CTNNA3: variants seen among roughly 807,000 people sequenced by gnomAD.
The protein encoded by CTNNA3 is catenin alpha-3.
Under a neutral mutation model 95.7 loss-of-function variants are expected in CTNNA3, and 76 were observed. The ratio of observed to expected loss-of-function variants is 0.79; its 90% CI spans 0.66 to 0.96. CTNNA3 has a LOEUF of 0.96. Ranked by LOEUF, CTNNA3 falls within the 40% of genes least tolerant of loss-of-function variation. The pLI is 0.00. For synonymous variants in CTNNA3, 431 were observed against 374.4 expected (o/e 1.15, Z -1.74); for missense variants, 1,191 against 1,089.8 (o/e 1.09, Z -1.31).
intron 5 of CTNNA3, among the ~76,000 whole-genome samples, chr10:67,451,628 T>C (rs1846987524): frequency 6.6e-6 from 1 of 152,222 alleles, no homozygotes. Context: ...TCCACTGAAC[T>C]CTTGGTTTGA....
chr10:67,297,683 G>A (rs1373768548), intron 5 of CTNNA3, among the ~76,000 whole-genome samples: 1 of 152,138 alleles, frequency 6.6e-6, no homozygotes, highest in Non-Finnish European at 1.5e-5. Context: ...TTTACTTGGT[G>A]GGCATTCTGG....
chr10:67,562,544 C>A (rs549811352), intron 3 of CTNNA3, among the ~76,000 whole-genome samples: 48 of 152,274 alleles, frequency 3.2e-4, no homozygotes, highest in Non-Finnish European at 5.6e-4. Flanking sequence ...ACTGAATGGG[C>A]AAACACTGGA....
At chr10:67,205,707 C>A (rs1384658897) in intron 6 of CTNNA3, among the ~76,000 whole-genome samples, 7 of 151,896 alleles carry the variant, frequency 4.6e-5, no homozygotes, top group African/African-American at 1.7e-4. Context: ...AATCTCTGGA[C>A]TAAAACACCA....
chr10:66,380,223 T>G (rs560105845), intron 11 of CTNNA3, among the ~76,000 whole-genome samples: 14 of 152,216 alleles, frequency 9.2e-5, no homozygotes, highest in Middle Eastern at 6.8e-3. Context: ...CCCAATCTGC[T>G]TGTGTATATG....
intron 14 of CTNNA3, among the ~76,000 whole-genome samples, chr10:66,097,217 C>G (rs749962263): frequency 2.6e-5 from 4 of 151,978 alleles, no homozygotes; most frequent in Admixed American, 6.6e-5. Context: ...TCCATGATGT[C>G]AAAAATACTT....
At chr10:67,465,517 A>G (rs1847557600) in intron 5 of CTNNA3, among the ~76,000 whole-genome samples, 1 of 152,152 alleles carries the variant, frequency 6.6e-6, no homozygotes, top group African/African-American at 2.4e-5. Context: ...AAAATCCAAA[A>G]CAAGCAAATA....
chr10:66,241,447 C>A (rs61868387), intron 13 of CTNNA3, among the ~76,000 whole-genome samples: 32,208 of 152,148 alleles, frequency 0.21, 3,596 homozygotes, highest in South Asian at 0.29. Context: ...GTAAATCTTA[C>A]AAATTTCCTT....
chr10:67,478,227 G>A (rs1848091575), intron 5 of CTNNA3, among the ~76,000 whole-genome samples: 1 of 152,168 alleles, frequency 6.6e-6, no homozygotes, highest in Non-Finnish European at 1.5e-5. Context: ...ATTTCTGTGA[G>A]AGGAGAAAAA....
rs191498730 is a variant in CTNNA3 at position 67,607,790 on chromosome 10, T to C, written c.100-741A>G. 4.6e-5 allele frequency among the ~76,000 whole-genome samples: 7 copies of C among 152,276 alleles called. No individual in the cohort carries two copies. The East Asian group carries it at 1.3e-3, about 29-fold the overall frequency. ...AAGTGGGAGTCTTAGTGATTGAATT[T>C]CAAAATATAGACATTAAAATGTCCT... On this transcript the variant is annotated intron_variant, in intron 2 of 17. Transcript: ENST00000433211.
intron 1 of CTNNA3, among the ~76,000 whole-genome samples, chr10:67,685,566 T>C (rs1840715008): frequency 6.6e-6 from 1 of 152,188 alleles, no homozygotes; most frequent in African/African-American, 2.4e-5. Flanking sequence ...GTGTTAAGGA[T>C]TTTAGATAGG....
intron 10 of CTNNA3, among the ~76,000 whole-genome samples, chr10:66,547,051 TTTC>T: frequency 6.6e-6 from 1 of 152,114 alleles, no homozygotes; most frequent in Non-Finnish European, 1.5e-5. Context: ...ATATACTTGA[TTTC>T]TTCTAATTCT....
intron 13 of CTNNA3, among the ~76,000 whole-genome samples, chr10:66,182,323 T>G (rs2086088098): frequency 6.6e-6 from 1 of 151,676 alleles, no homozygotes; most frequent in Admixed American, 6.6e-5. Flanking sequence ...TGGCGCGATC[T>G]TGGCTCACTG....
intron 7 of CTNNA3, among the ~76,000 whole-genome samples, chr10:66,951,473 C>T (rs2394315): frequency 0.97 from 147,043 of 152,274 alleles, 71,207 homozygotes; most frequent in East Asian, 1. Flanking sequence ...AATGTGTCCC[C>T]TAACGTATTT....
chr10:66,580,901 C>G (rs759930175), intron 10 of CTNNA3, among the ~76,000 whole-genome samples: 1 of 151,558 alleles, frequency 6.6e-6, no homozygotes, highest in Non-Finnish European at 1.5e-5. Context: ...CATTTTTACC[C>G]CCTCACCCCT....
At chr10:67,290,043 T>G (rs1839773440) in intron 5 of CTNNA3, among the ~76,000 whole-genome samples, 1 of 152,008 alleles carries the variant, frequency 6.6e-6, no homozygotes, top group African/African-American at 2.4e-5. Context: ...TGGCCTCAAG[T>G]AATCCTCCTG....
chr10:67,725,613 T>C (rs1011000785), intron 1 of CTNNA3, among the ~76,000 whole-genome samples: 1 of 151,950 alleles, frequency 6.6e-6, no homozygotes, highest in Non-Finnish European at 1.5e-5. Context: ...GTCATAATTA[T>C]TATCTTAACA....
intron 15 of CTNNA3, among the ~76,000 whole-genome samples, chr10:66,011,950 C>G (rs1007597451): frequency 3.3e-5 from 5 of 152,160 alleles, no homozygotes; most frequent in African/African-American, 1.2e-4. Flanking sequence ...GCCCTGCTGT[C>G]TGCAACATAG....
chr10:66,307,936 C>T (rs1255241462), intron 12 of CTNNA3, among the ~76,000 whole-genome samples: 1 of 152,146 alleles, frequency 6.6e-6, no homozygotes, highest in Non-Finnish European at 1.5e-5. Flanking sequence ...TAAATATTTT[C>T]CAGAGTGGGC....
At chr10:66,978,641 G>T (rs1850224714) in intron 7 of CTNNA3, among the ~76,000 whole-genome samples, 1 of 142,528 alleles carries the variant, frequency 7.0e-6, no homozygotes. Context: ...TTTTTAAAAA[G>T]AGAGAAAAAA....
Sources: allele counts gnomAD v4.1 joint callset (sites outside exome capture counted in the v4.1 genomes callset), GRCh38; gene constraint gnomAD v4.1.1; transcripts MANE v1.5; gene names NCBI Gene and HGNC (gene_info 2026-07-23, HGNC 2026-07-21).